RAB3GAP1: variants seen among roughly 807,000 people sequenced by gnomAD.
RAB3GAP1 encodes RAB3 GTPase activating protein catalytic subunit 1, also known as rab3 GTPase-activating protein catalytic subunit.
Under a neutral mutation model 130.7 loss-of-function variants are expected in RAB3GAP1, and 86 were observed. The ratio of observed to expected loss-of-function variants is 0.66; its 90% CI spans 0.55 to 0.79. The LOEUF (loss-of-function observed/expected upper bound fraction) is 0.79, where lower values mean the gene tolerates loss of function less well. RAB3GAP1 is among the 30% of genes least tolerant of loss of function. The pLI is 0.00. For missense variants in RAB3GAP1, 1,029 were observed against 1,169.4 expected (o/e 0.88, Z 1.75); for synonymous variants, 367 against 401.7 (o/e 0.91, Z 1.03).
At chr2:135,158,533 T>C (rs543201415) in intron 19 of RAB3GAP1, among the ~76,000 whole-genome samples, 1 of 152,254 alleles carries the variant, frequency 6.6e-6, no homozygotes, top group East Asian at 1.9e-4. Context: ...AATTAATGGA[T>C]AAACAACTAG....
intron 13 of RAB3GAP1, 88 bp downstream of exon 13, chr2:135,130,809 C>A (rs1250842154): frequency 1.4e-5 from 17 of 1,240,894 alleles, no homozygotes. Flanking sequence ...AGGCAGTGAC[C>A]TTGGAATATA....
intron 19 of RAB3GAP1, among the ~76,000 whole-genome samples, chr2:135,160,058 C>A (rs548178119): frequency 1.3e-5 from 2 of 152,194 alleles, no homozygotes; most frequent in Non-Finnish European, 2.9e-5. Context: ...AGAAAATATT[C>A]TGGAATTAGA....
chr2:135,080,047 G>A (rs999372243), intron 3 of RAB3GAP1, among the ~76,000 whole-genome samples: 2 of 150,918 alleles, frequency 1.3e-5, no homozygotes, highest in Non-Finnish European at 2.9e-5. Context: ...AACCCGGAAG[G>A]CGGAGCTTGC....
intron 3 of RAB3GAP1, among the ~76,000 whole-genome samples, chr2:135,062,240 A>C (rs1377153171): frequency 6.6e-6 from 1 of 152,128 alleles, no homozygotes; most frequent in Non-Finnish European, 1.5e-5. Context: ...CTGTAGTTTC[A>C]GGTTTCCTAA....
chr2:135,078,179 T>C (rs998628148), intron 3 of RAB3GAP1, among the ~76,000 whole-genome samples: 4 of 152,198 alleles, frequency 2.6e-5, no homozygotes, highest in South Asian at 2.1e-4. Flanking sequence ...TTAGCTCTTA[T>C]GTTTAGACCT....
intron 17 of RAB3GAP1, among the ~76,000 whole-genome samples, chr2:135,148,242 A>G (rs1692058327): frequency 6.6e-6 from 1 of 152,202 alleles, no homozygotes; most frequent in South Asian, 2.1e-4. Context: ...GTTGAAACCA[A>G]TGTAATTTCA....
chr2:135,083,078 ATGT>A, intron 3 of RAB3GAP1, among the ~76,000 whole-genome samples: 1 of 151,556 alleles, frequency 6.6e-6, no homozygotes. Context: ...TGTTGTATTG[ATGT>A]TTTTTTTTTT....
At chr2:135,080,235 G>A (rs1689755611) in intron 3 of RAB3GAP1, among the ~76,000 whole-genome samples, 1 of 152,140 alleles carries the variant, frequency 6.6e-6, no homozygotes, top group African/African-American at 2.4e-5. Flanking sequence ...GCAGATGTGA[G>A]TGAGTTCCTT....
intron 9 of RAB3GAP1, among the ~76,000 whole-genome samples, chr2:135,125,691 C>T (rs1294632450): frequency 6.6e-6 from 1 of 152,116 alleles, no homozygotes; most frequent in Admixed American, 6.6e-5. Context: ...GTACACTAGA[C>T]AAAGGGATGA....
chr2:135,108,378 C>A (rs958386146), intron 5 of RAB3GAP1, among the ~76,000 whole-genome samples: 3 of 152,116 alleles, frequency 2.0e-5, no homozygotes, highest in Non-Finnish European at 4.4e-5. Context: ...ATGAAACTCA[C>A]CCTAGTAGGT....
chr2:135,159,479 C>G (rs957088633), intron 19 of RAB3GAP1, among the ~76,000 whole-genome samples: 13 of 152,196 alleles, frequency 8.5e-5, no homozygotes, highest in African/African-American at 3.1e-4. Flanking sequence ...AGGAAAACAT[C>G]AGATAAACCA....
At chr2:135,118,524 A>G (rs1691095863) in intron 7 of RAB3GAP1, among the ~76,000 whole-genome samples, 1 of 152,220 alleles carries the variant, frequency 6.6e-6, no homozygotes, top group Non-Finnish European at 1.5e-5. Context: ...ATGGTATTAT[A>G]TCATGACTGT....
chr2:135,085,737 A>G (rs571802974), intron 3 of RAB3GAP1, among the ~76,000 whole-genome samples: 5 of 152,210 alleles, frequency 3.3e-5, no homozygotes, highest in African/African-American at 9.6e-5. Context: ...TTATTTTTCT[A>G]CTGCTTCTTT....
intron 19 of RAB3GAP1, among the ~76,000 whole-genome samples, chr2:135,161,767 T>G (rs1692473018): frequency 6.6e-6 from 1 of 152,188 alleles, no homozygotes; most frequent in Non-Finnish European, 1.5e-5. Flanking sequence ...GTTAAGAAAT[T>G]ACATATGCAT....
intron 3 of RAB3GAP1, among the ~76,000 whole-genome samples, chr2:135,075,001 T>C (rs1689588958): frequency 6.6e-6 from 1 of 152,208 alleles, no homozygotes; most frequent in African/African-American, 2.4e-5. Flanking sequence ...GACCCCTTCC[T>C]TGTTGCTTAC....
chr2:135,123,147 G>A (rs898548680), intron 8 of RAB3GAP1, among the ~76,000 whole-genome samples: 2 of 152,156 alleles, frequency 1.3e-5, no homozygotes, highest in African/African-American at 4.8e-5. Context: ...CTCCAAGTCC[G>A]ATGTGCTTTT....
chr2:135,174,682 T>C (rs141643934), downstream of RAB3GAP1, among the ~76,000 whole-genome samples: 1 of 152,372 alleles, frequency 6.6e-6, no homozygotes, highest in East Asian at 1.9e-4. Flanking sequence ...TTTGCCCATG[T>C]TACATAACGA....
In RAB3GAP1 at chr2:135,135,877, A is replaced by T; in HGVS notation, c.1868A>T (p.His623Leu). 1 of 1,614,164 alleles carries T rather than the reference A, an allele frequency of 6.2e-7. No individual in the cohort carries two copies. Among genetic ancestry groups the T allele is most frequent in the South Asian group, 1.1e-5 (1 of 91,080 alleles). ...NLRPEGRLYQ[H>L]GKLTLLHNGE... ...AGGCCGGAAGGACGGCTCTATCAGC[A>T]TGGGAAACTTACACTGCTGCATAAT... The change falls in exon 17 of 24, where the codon CAT becomes CTT. Residue 623 changes from histidine to leucine, a missense_variant. This residue lies in a region of RAB3GAP1 where 373 missense variants were observed against 493.6 expected (regional missense o/e 0.76). Coordinates refer to ENST00000264158, the MANE Select transcript of RAB3GAP1 (RefSeq NM_012233.3).
intron 17 of RAB3GAP1, among the ~76,000 whole-genome samples, chr2:135,143,015 T>A (rs926189555): frequency 1.3e-5 from 2 of 151,966 alleles, no homozygotes; most frequent in African/African-American, 2.4e-5. Context: ...AGATTTTACT[T>A]CTTCTTCAAA....
Sources: gnomAD v4.1 joint callset for allele counts (sites outside exome capture counted in the v4.1 genomes callset) on GRCh38, gnomAD v4.1.1 for gene constraint, gnomAD v4.1.1 regional missense constraint, MANE v1.5 for transcripts, NCBI Gene and HGNC (gene_info 2026-07-23, HGNC 2026-07-21) for gene names.